Variants in CACNG3 observed in about 807,000 individuals in gnomAD.
The protein encoded by CACNG3 is voltage-dependent calcium channel gamma-3 subunit.
In CACNG3, 3 loss-of-function variants were observed where a neutral mutation model predicts 28.5. The ratio of observed to expected loss-of-function variants is 0.11; its 90% CI spans 0.05 to 0.27. The LOEUF (loss-of-function observed/expected upper bound fraction) is 0.27. CACNG3 is among the 10% of genes least tolerant of loss of function. The pLI, the probability that CACNG3 is intolerant of heterozygous loss-of-function variation, is 1.00. For synonymous variants in CACNG3, 174 were observed against 162.2 expected, an observed-to-expected ratio of 1.07 and a Z score of -0.55; for missense variants, 236 against 414.4, an observed-to-expected ratio of 0.57 and a Z score of 3.74.
At chr16:24,329,196 C>A (rs903747964) in intron 1 of CACNG3, among the ~76,000 whole-genome samples, 2 of 152,158 alleles carry the variant, frequency 1.3e-5, no homozygotes, top group Non-Finnish European at 2.9e-5. Context: ...TTGCTCAAAA[C>A]GCCAGAACTA....
chr16:24,291,592 G>A (rs1898969194), intron 1 of CACNG3, among the ~76,000 whole-genome samples: 2 of 152,120 alleles, frequency 1.3e-5, no homozygotes, highest in Non-Finnish European at 2.9e-5. Context: ...TTGGTGGAAG[G>A]CAGTTATTGT....
intron 1 of CACNG3, among the ~76,000 whole-genome samples, chr16:24,319,377 T>C (rs1484648706): frequency 6.6e-6 from 1 of 152,216 alleles, no homozygotes; most frequent in African/African-American, 2.4e-5. Context: ...CAGTTCGAGG[T>C]TGGACAGGCA....
Position 24,335,949 on chromosome 16 carries a change from G to A in CACNG3, c.212-10785G>A, listed in dbSNP as rs528755948. Among the ~76,000 whole-genome samples the A allele has an allele frequency of 2.6e-5, 4 of 151,522 alleles. No homozygotes were observed. In the South Asian group the frequency reaches 6.3e-4, roughly 24 times the overall value. ...AAAATAAAAAACAAAAAAAAAATCC[G>A]CCTGCCTCGGCCTCCCAAAGTGCTG... On this transcript the variant is annotated intron_variant, in intron 1 of 3. Coordinates refer to ENST00000005284, the MANE Select transcript of CACNG3 (RefSeq NM_006539.4).
intron 1 of CACNG3, among the ~76,000 whole-genome samples, chr16:24,317,379 TA>T (rs1899366304): frequency 6.6e-6 from 1 of 151,222 alleles, no homozygotes. Flanking sequence ...CCATCTCTAC[TA>T]AAAAATACAA....
chr16:24,336,564 T>C (rs1252913847), intron 1 of CACNG3, among the ~76,000 whole-genome samples: 6 of 18,198 alleles, frequency 3.3e-4, no homozygotes, highest in Non-Finnish European at 5.0e-4. Context: ...CGTGAGCCAC[T>C]GTGCCCAGCC....
At chr16:24,333,203 C>T (rs1899654992) in intron 1 of CACNG3, among the ~76,000 whole-genome samples, 1 of 152,100 alleles carries the variant, frequency 6.6e-6, no homozygotes, top group African/African-American at 2.4e-5. Context: ...ATGCATGCCC[C>T]AACCCTGCCA....
At chr16:24,326,254 C>T (rs911511121) in intron 1 of CACNG3, among the ~76,000 whole-genome samples, 1 of 151,968 alleles carries the variant, frequency 6.6e-6, no homozygotes, top group African/African-American at 2.4e-5. Flanking sequence ...TCACCACAAC[C>T]TCCGCCTCCT....
At chr16:24,311,239 G>A (rs193119727) in intron 1 of CACNG3, among the ~76,000 whole-genome samples, 10 of 152,224 alleles carry the variant, frequency 6.6e-5, no homozygotes, top group East Asian at 1.9e-4. Context: ...TACCAAGTGC[G>A]GTGGCTCACG....
At chr16:24,265,446 AAAAAGAAAG>A (rs1285479498) in intron 1 of CACNG3, among the ~76,000 whole-genome samples, 1 of 28,288 alleles carries the variant, frequency 3.5e-5, no homozygotes, top group African/African-American at 1.3e-4. Flanking sequence ...AGAGAGAAAG[AAAAAGAAAG>A]AAGAAGGAAG....
chr16:24,297,336 T>G (rs1278221521), intron 1 of CACNG3, among the ~76,000 whole-genome samples: 1 of 151,862 alleles, frequency 6.6e-6, no homozygotes, highest in Non-Finnish European at 1.5e-5. Flanking sequence ...TCCAGACCAA[T>G]TTAAACAAGA....
At chr16:24,265,775 T>C (rs1898601974) in intron 1 of CACNG3, among the ~76,000 whole-genome samples, 1 of 152,226 alleles carries the variant, frequency 6.6e-6, no homozygotes, top group Non-Finnish European at 1.5e-5. Context: ...CAATAAAAAA[T>C]TTATAGAAAC....
intron 1 of CACNG3, among the ~76,000 whole-genome samples, chr16:24,260,767 G>A (rs1261729104): frequency 6.6e-6 from 1 of 152,208 alleles, no homozygotes; most frequent in Non-Finnish European, 1.5e-5. Flanking sequence ...TTTGCATGGA[G>A]AGACAATTGA....
At chr16:24,282,120 T>A (rs1401280371) in intron 1 of CACNG3, among the ~76,000 whole-genome samples, 1 of 152,130 alleles carries the variant, frequency 6.6e-6, no homozygotes, top group Admixed American at 6.5e-5. Context: ...ATGACTTTAT[T>A]TTTCCTCACA....
intron 1 of CACNG3, among the ~76,000 whole-genome samples, chr16:24,321,175 T>G (rs1329367562): frequency 6.6e-6 from 1 of 152,158 alleles, no homozygotes; most frequent in Non-Finnish European, 1.5e-5. Context: ...ACCGTTGGCT[T>G]GGTTATCAGG....
At chr16:24,313,770 A>G (rs946885028) in intron 1 of CACNG3, among the ~76,000 whole-genome samples, 2 of 151,860 alleles carry the variant, frequency 1.3e-5, no homozygotes, top group African/African-American at 4.8e-5. Flanking sequence ...TTTGAGATGC[A>G]ATCTGGTTCT....
intron 1 of CACNG3, among the ~76,000 whole-genome samples, chr16:24,309,386 C>A (rs1029574829): frequency 7.9e-5 from 12 of 152,184 alleles, no homozygotes; most frequent in Admixed American, 7.9e-4. Context: ...CTTCCTGGCA[C>A]CTGTCAGAGT....
At chr16:24,265,501 A>AAAAG (rs3060123) in intron 1 of CACNG3, among the ~76,000 whole-genome samples, 18,340 of 150,560 alleles carry the variant, frequency 0.12, 1,495 homozygotes, top group East Asian at 0.3. Flanking sequence ...AGAAGGAAAG[A>AAAAG]AAAGAAAGAA....
chr16:24,325,887 C>A (rs973710345), intron 1 of CACNG3, among the ~76,000 whole-genome samples: 1 of 152,196 alleles, frequency 6.6e-6, no homozygotes, highest in Non-Finnish European at 1.5e-5. Flanking sequence ...GTACAGAAAT[C>A]CATTTCAAAT....
intron 1 of CACNG3, among the ~76,000 whole-genome samples, chr16:24,331,430 A>G (rs1316958520): frequency 3.3e-5 from 5 of 152,052 alleles, no homozygotes; most frequent in Admixed American, 1.3e-4. Context: ...GAAGAGGCAT[A>G]CCTCTGTGGA....
Sources: gnomAD v4.1 joint callset for allele counts (sites outside exome capture counted in the v4.1 genomes callset) on GRCh38, gnomAD v4.1.1 for gene constraint, MANE v1.5 for transcripts, NCBI Gene and HGNC (gene_info 2026-07-23, HGNC 2026-07-21) for gene names.